The following FNIP2 variants were observed in gnomAD, a reference collection of about 807,000 sequenced individuals.
FNIP2 encodes the protein folliculin interacting protein 2.
Under a neutral mutation model 108.7 loss-of-function variants are expected in FNIP2, and 32 were observed. The ratio of observed to expected loss-of-function variants is 0.29; its 90% CI spans 0.22 to 0.40. The LOEUF (loss-of-function observed/expected upper bound fraction) is 0.40. Among genes scored for constraint, FNIP2 ranks in the 10% least tolerant of loss-of-function variants. The probability of loss-of-function intolerance (pLI) is 1.00; values close to 1 mark genes in which losing one functional copy is unlikely to be tolerated. For synonymous variants in FNIP2, 480 were observed against 496.7 expected, an observed-to-expected ratio of 0.97 and a Z score of 0.45; for missense variants, 1,202 against 1,381.6, an observed-to-expected ratio of 0.87 and a Z score of 2.06.
intron 1 of FNIP2, among the ~76,000 whole-genome samples, chr4:158,809,949 G>C (rs983825782): frequency 2.6e-5 from 4 of 152,172 alleles, no homozygotes; most frequent in Non-Finnish European, 5.9e-5. Context: ...AAGAAAGTAA[G>C]TACAGAAACT....
At chr4:158,890,147 C>G (rs2126767720) in intron 14 of FNIP2, 1 of 984,892 alleles carries the variant, frequency 1.0e-6, no homozygotes, top group East Asian at 1.1e-4. Context: ...AATTCTTTAT[C>G]TCTCATGTTT....
At chr4:158,852,086 G>A (rs569425504) in intron 8 of FNIP2, among the ~76,000 whole-genome samples, 3 of 152,242 alleles carry the variant, frequency 2.0e-5, no homozygotes, top group East Asian at 3.9e-4. Context: ...TTAGTAAATT[G>A]ACTAGTACTC....
intron 1 of FNIP2, among the ~76,000 whole-genome samples, chr4:158,815,422 G>C (rs1489379683): frequency 7.3e-6 from 1 of 136,722 alleles, no homozygotes. Context: ...TTGCTCTCTC[G>C]CCCAGGCTGG....
chr4:158,868,452 G>C lies in FNIP2; in HGVS notation c.1816G>C (p.Asp606His), dbSNP rs779982679. 6.2e-7 allele frequency: 1 copy of C among 1,614,052 alleles called. No homozygotes were observed. The change falls in exon 13 of 17, where the codon GAC (aspartate) becomes CAC (histidine). Residue 606 changes from aspartate to histidine, a missense_variant. Around this residue, in one of 5 missense-constraint regions of FNIP2, gnomAD observed 878 missense variants for 990.3 expected, o/e 0.89. Coordinates refer to ENST00000264433, the MANE Select transcript of FNIP2 (RefSeq NM_020840.3). This position sits in a 1 kb window ranked among gnomAD's most constrained non-coding sequence, Gnocchi z 4.6. ...GTTTCCTGAGTGCCCAGAGGGCACT[G>C]ACAGTAGAGACCTGGGTCTTAAACC... ...TGFPECPEGT[D>H]SRDLGLKPDK...
intron 1 of FNIP2, among the ~76,000 whole-genome samples, chr4:158,812,886 A>G (rs1004220167): frequency 6.7e-6 from 1 of 150,036 alleles, no homozygotes. Flanking sequence ...TGCCTTGCCT[A>G]TTCATCCTTC....
At chr4:158,842,206 C>A (rs917932299) in intron 7 of FNIP2, among the ~76,000 whole-genome samples, 8 of 152,096 alleles carry the variant, frequency 5.3e-5, no homozygotes, top group African/African-American at 1.9e-4. Context: ...TCTAAATTTG[C>A]ATTCTTACAT....
At chr4:158,859,399 A>G in intron 9 of FNIP2, 141 bp downstream of exon 9, 11 of 1,102,108 alleles carry the variant, frequency 1.0e-5, no homozygotes, top group Non-Finnish European at 1.3e-5. Flanking sequence ...AGGCATGTTG[A>G]TGTTAGTTAC....
At position 158,851,307 on chromosome 4, in the gene FNIP2, A is replaced by C; in HGVS notation, c.728-14A>C. ...AATTGACCTCAACTTTCAAATTCCA[A>C]ATTCTTCCTACAGCCTCACTAAGCA... On this transcript the variant is annotated splice_polypyrimidine_tract_variant and intron_variant, in intron 7 of 16. Transcript: ENST00000264433. 1.9e-6 allele frequency: 3 copies of C among 1,613,666 alleles called. No homozygotes were observed. Among genetic ancestry groups the C allele is most frequent in the Non-Finnish European group, 2.5e-6 (3 of 1,179,736 alleles).
chr4:158,849,693 C>T (rs1444041012), intron 7 of FNIP2, among the ~76,000 whole-genome samples: 1 of 151,986 alleles, frequency 6.6e-6, no homozygotes, highest in Non-Finnish European at 1.5e-5. Flanking sequence ...AGAAAAATTA[C>T]CTGTTCACTG....
At chr4:158,772,892 C>G (rs1775741963) in intron 1 of FNIP2, among the ~76,000 whole-genome samples, 1 of 152,136 alleles carries the variant, frequency 6.6e-6, no homozygotes, top group Admixed American at 6.5e-5. Flanking sequence ...AACAGATAAA[C>G]ACTGATAAAG....
intron 1 of FNIP2, 44 bp downstream of exon 1, chr4:158,769,363 G>A: frequency 7.3e-7 from 1 of 1,365,886 alleles, no homozygotes. Flanking sequence ...GACCCGAGTT[G>A]GCTTCGGTGC....
At chr4:158,876,403 C>G (rs1323691951) in intron 14 of FNIP2, among the ~76,000 whole-genome samples, 1 of 152,258 alleles carries the variant, frequency 6.6e-6, no homozygotes, top group African/African-American at 2.4e-5. Context: ...AATATACACA[C>G]ATACCCCTGT....
intron 1 of FNIP2, among the ~76,000 whole-genome samples, chr4:158,792,460 A>G (rs1776452724): frequency 6.6e-6 from 1 of 151,090 alleles, no homozygotes; most frequent in African/African-American, 2.4e-5. Context: ...GTCCTACTGT[A>G]AGAAGCTGTG....
At chr4:158,774,246 C>T (rs980441436) in intron 1 of FNIP2, among the ~76,000 whole-genome samples, 3 of 152,170 alleles carry the variant, frequency 2.0e-5, no homozygotes, top group African/African-American at 7.2e-5. Flanking sequence ...CATATTATAA[C>T]AGTGGTTGCC....
intron 6 of FNIP2, chr4:158,834,707 C>A (rs1228202632): frequency 6.6e-6 from 1 of 152,212 alleles, no homozygotes; most frequent in Admixed American, 6.5e-5. Context: ...AGCAGCATAT[C>A]TACCTTCTAG....
rs914253058 is a variant in FNIP2, at chr4:158,829,312, G to A, written c.381+87G>A. 1.4e-5 allele frequency: 17 copies of A among 1,203,356 alleles called. No homozygotes were observed. In the East Asian group the frequency reaches 4.3e-4, roughly 31 times the overall value. 74.5% of individuals were successfully genotyped at this position (1,203,356 alleles called of 1,614,324 possible). ...CTTGGGAAATAATGCCTGCTCGAGGGCTCTACTCCAGGAATATGAGGACAA... is the reference window on the plus strand; with the variant it reads ...CTTGGGAAATAATGCCTGCTCGAGGACTCTACTCCAGGAATATGAGGACAA... On this transcript the variant is annotated intron_variant, in intron 3 of 16. Transcript: ENST00000264433.
intron 1 of FNIP2, among the ~76,000 whole-genome samples, chr4:158,808,084 A>C (rs557256921): frequency 1.3e-5 from 2 of 152,272 alleles, no homozygotes; most frequent in South Asian, 4.1e-4. Flanking sequence ...GCTTTTCTTA[A>C]TCTCACTCTC....
At chr4:158,843,042 G>A (rs1779211424) in intron 7 of FNIP2, among the ~76,000 whole-genome samples, 1 of 152,040 alleles carries the variant, frequency 6.6e-6, no homozygotes, top group Non-Finnish European at 1.5e-5. Flanking sequence ...GCTAAACTTC[G>A]AGGAACCTTG....
intron 14 of FNIP2, among the ~76,000 whole-genome samples, chr4:158,887,058 T>G (rs1031702803): frequency 1.3e-5 from 2 of 152,168 alleles, no homozygotes; most frequent in Non-Finnish European, 2.9e-5. Flanking sequence ...TCACCATGGT[T>G]CAGTTGTCAG....
Sources: allele counts gnomAD v4.1 joint callset (sites outside exome capture counted in the v4.1 genomes callset), GRCh38; gene constraint gnomAD v4.1.1; regional missense constraint gnomAD v4.1.1; non-coding constraint Gnocchi (gnomAD v3.1); transcripts MANE v1.5; gene names NCBI Gene and HGNC (gene_info 2026-07-23, HGNC 2026-07-21).